The following MYO1F variants were observed in gnomAD, a reference collection of about 807,000 sequenced individuals.
MYO1F encodes the protein myosin IF.
A neutral mutation model predicts 146.6 loss-of-function variants in MYO1F; 60 were observed. That is an observed-to-expected ratio of 0.41 (90% CI 0.33 to 0.51). The LOEUF (loss-of-function observed/expected upper bound fraction) is 0.51. Ranked by LOEUF, MYO1F falls within the 20% of genes least tolerant of loss-of-function variation. MYO1F has a pLI of 0.25. For synonymous variants in MYO1F, 602 were observed against 602.1 expected, an observed-to-expected ratio of 1.00 and a Z score of 0.00; for missense variants, 1,274 against 1,534.3, an observed-to-expected ratio of 0.83 and a Z score of 2.83.
At chr19:8,552,981 G>C (rs1032610299) in intron 6 of MYO1F, among the ~76,000 whole-genome samples, 158 bp downstream of exon 6, 7 of 152,208 alleles carry the variant, frequency 4.6e-5, no homozygotes, top group African/African-American at 1.7e-4. Flanking sequence ...AAGGGACCAT[G>C]AGCAGGAAGT....
chr19:8,554,875 C>A, intron 2 of MYO1F, 132 bp from the exon 3 acceptor site: 2 of 872,750 alleles, frequency 2.3e-6, no homozygotes, highest in Non-Finnish European at 3.7e-6. Flanking sequence ...ATGGATGCAC[C>A]TCGAGTCTCT....
At chr19:8,553,008 A>T in intron 6 of MYO1F, 131 bp downstream of exon 6, 1 of 859,672 alleles carries the variant, frequency 1.2e-6, no homozygotes, top group South Asian at 1.4e-5. Context: ...CCCCTTCAGG[A>T]GTAGGTATTT....
At chr19:8,560,318 A>G (rs923145529) in intron 1 of MYO1F, among the ~76,000 whole-genome samples, 3 of 151,548 alleles carry the variant, frequency 2.0e-5, no homozygotes, top group Non-Finnish European at 4.4e-5. Flanking sequence ...CCCCATCTCT[A>G]CTAAAAATAC....
At chr19:8,539,855 C>A in intron 16 of MYO1F, 92 bp downstream of exon 16, 1 of 1,119,770 alleles carries the variant, frequency 8.9e-7, no homozygotes, top group Non-Finnish European at 1.3e-6. Flanking sequence ...GACAGACAGA[C>A]GTTGGAATGA....
intron 1 of MYO1F, among the ~76,000 whole-genome samples, chr19:8,560,062 A>T (rs1006358556): frequency 2.6e-5 from 4 of 151,942 alleles, no homozygotes; most frequent in African/African-American, 9.7e-5. Context: ...ACACCATCTC[A>T]GTGTGGGTAG....
At chr19:8,557,143 C>T (rs1446630784) in intron 1 of MYO1F, among the ~76,000 whole-genome samples, 3 of 151,970 alleles carry the variant, frequency 2.0e-5, no homozygotes, top group East Asian at 3.9e-4. Flanking sequence ...AAAAATTAGA[C>T]GAGTGGTGGC....
intron 1 of MYO1F, among the ~76,000 whole-genome samples, chr19:8,570,792 G>T (rs1311520404): frequency 6.6e-6 from 1 of 152,086 alleles, no homozygotes; most frequent in East Asian, 1.9e-4. Context: ...ACAGGTGCAA[G>T]CCGCTGTGCC....
At position 8,522,405 on chromosome 19, in the gene MYO1F, C is replaced by G. The variant is rs1255041217; in HGVS notation, c.3192G>C (p.Val1064=). Residue 1064 remains valine, a synonymous_variant, in exon 27 of 28, where the codon GTG becomes GTC. Transcript: ENST00000644032. ...GQDVDELSFN[V]NEVIEILMED... ...CCATGAGGATCTCAATGACCTCGTT[C>G]ACGTTGAAGCTCAGCTCGTCCACAT... 1 of 1,614,184 alleles carries G rather than the reference C, an allele frequency of 6.2e-7. No individual in the cohort carries two copies. The highest frequency in any genetic ancestry group is 1.3e-5 in the African/African-American group (1 of 75,064).
In MYO1F at chr19:8,544,348, C is replaced by A; in HGVS notation, c.1473G>T (p.Glu491Asp). Residue 491 changes from glutamate (E) to aspartate (D), a missense_variant, in exon 14 of 28, where the codon GAG becomes GAT. By Grantham distance (45) the Glu-to-Asp change is conservative. Around this residue, in one of 2 missense-constraint regions of MYO1F, gnomAD observed 900 missense variants for 1,155.1 expected, o/e 0.78. Transcript: ENST00000644032. ...QKLQAAVGTH[E>D]HFNSWSAGFV... ...AGCCGGCGCTCCAGCTGTTGAAATG[C>A]TCGTGGGTCCCCACAGCCGCCTGCA... The A allele has an allele frequency of 6.2e-7, 1 of 1,613,172 alleles. No homozygotes were observed. The highest frequency in any genetic ancestry group is 8.5e-7 in the Non-Finnish European group (1 of 1,179,848).
chr19:8,546,406 C>T (rs1044411297), intron 12 of MYO1F, among the ~76,000 whole-genome samples: 1 of 151,556 alleles, frequency 6.6e-6, no homozygotes, highest in Non-Finnish European at 1.5e-5. Context: ...GTTACCCAGG[C>T]TGGAACTCAG....
rs571838956 is a variant in MYO1F at position 8,569,134 on chromosome 19, A to G, written c.3+8173T>C. Reference sequence around the variant, plus strand: ...AATGAATGAATGAAGTCCTATTGGGATGAGACTGCCCCCTGCCCTGTCTCC... The same window carrying G: ...AATGAATGAATGAAGTCCTATTGGGGTGAGACTGCCCCCTGCCCTGTCTCC... On this transcript the variant is annotated intron_variant, in intron 1 of 27. Transcript: ENST00000644032. 1.3e-4 allele frequency among the ~76,000 whole-genome samples: 20 copies of G among 152,236 alleles called. No homozygotes were observed. In the South Asian group the frequency reaches 4.1e-3, roughly 32 times the overall value.
intron 1 of MYO1F, among the ~76,000 whole-genome samples, chr19:8,558,007 T>C (rs1973928432): frequency 6.6e-6 from 1 of 152,064 alleles, no homozygotes; most frequent in Admixed American, 6.6e-5. Context: ...TGTATGACTT[T>C]GTTCCTCAGC....
At chr19:8,534,371 A>G (rs1353864756) in intron 19 of MYO1F, among the ~76,000 whole-genome samples, 3 of 149,342 alleles carry the variant, frequency 2.0e-5, no homozygotes, top group East Asian at 4.0e-4. Flanking sequence ...GCAGTGGCGC[A>G]ATCTCAGCTC....
chr19:8,566,512 T>A (rs2042007997), intron 1 of MYO1F, among the ~76,000 whole-genome samples: 1 of 149,080 alleles, frequency 6.7e-6, no homozygotes, highest in Admixed American at 6.7e-5. Context: ...TTATTTAATT[T>A]AATTAATTTA....
intron 12 of MYO1F, 71 bp downstream of exon 12, chr19:8,547,965 A>G (rs1353688181): frequency 4.7e-6 from 7 of 1,477,936 alleles, no homozygotes; most frequent in African/African-American, 1.4e-5. Flanking sequence ...CTAGTTGCTA[A>G]GGGATCCTCA....
chr19:8,564,777 T>C (rs371339009), intron 1 of MYO1F, among the ~76,000 whole-genome samples: 1 of 151,320 alleles, frequency 6.6e-6, no homozygotes, highest in East Asian at 1.9e-4. Flanking sequence ...CTGTTTTTTT[T>C]TTGTTGTTGT....
At chr19:8,560,533 G>T (rs538184457) in intron 1 of MYO1F, among the ~76,000 whole-genome samples, 1 of 150,934 alleles carries the variant, frequency 6.6e-6, no homozygotes, top group Non-Finnish European at 1.5e-5. Context: ...CTGTCTACAC[G>T]CACAGGAGGC....
chr19:8,547,991 ACCCCCACCCCAGGAT>A (rs1973439855), intron 12 of MYO1F, 30 bp downstream of exon 12: 3 of 435,422 alleles, frequency 6.9e-6, no homozygotes, highest in Admixed American at 5.9e-5. Context: ...CTTCCACCCC[ACCCCCACCCCAGGAT>A]CCCCCATCCC....
intron 14 of MYO1F, 48 bp from the exon 15 acceptor site, chr19:8,542,039 G>T: frequency 6.6e-7 from 1 of 1,508,320 alleles, no homozygotes; most frequent in Non-Finnish European, 9.2e-7. Flanking sequence ...AAACCTGGCT[G>T]GGAGGGTGGG....
Sources: allele counts gnomAD v4.1 joint callset (sites outside exome capture counted in the v4.1 genomes callset), GRCh38; gene constraint gnomAD v4.1.1; regional missense constraint gnomAD v4.1.1; transcripts MANE v1.5; gene names NCBI Gene and HGNC (gene_info 2026-07-23, HGNC 2026-07-21).